The following AMD1 variants were observed in gnomAD, a reference collection of about 807,000 sequenced individuals.
AMD1 encodes S-adenosylmethionine decarboxylase proenzyme.
Under a neutral mutation model 40.2 loss-of-function variants are expected in AMD1, and 11 were observed. The ratio of observed to expected loss-of-function variants is 0.27; its 90% CI spans 0.17 to 0.45. The LOEUF (loss-of-function observed/expected upper bound fraction) is 0.45, where lower values mean the gene tolerates loss of function less well. Among genes scored for constraint, AMD1 ranks in the 20% least tolerant of loss-of-function variants. The pLI, the probability that AMD1 is intolerant of heterozygous loss-of-function variation, is 1.00. For synonymous variants in AMD1, 121 were observed against 130.8 expected (o/e 0.93, Z 0.51); for missense variants, 257 against 410.2 (o/e 0.63, Z 3.23).
chr6:110,886,904 C>CA (rs1785722643), intron 1 of AMD1, among the ~76,000 whole-genome samples: 1 of 152,182 alleles, frequency 6.6e-6, no homozygotes, highest in African/African-American at 2.4e-5. Flanking sequence ...TCTTCATGTC[C>CA]ATATGACCTT....
At chr6:110,818,342 T>G in the AMD1 span, among the ~76,000 whole-genome samples, 1 of 152,144 alleles carries the variant, frequency 6.6e-6, no homozygotes, top group Non-Finnish European at 1.5e-5. Flanking sequence ...GAATTCTCAT[T>G]GGTTTACAGG....
chr6:110,830,783 G>A, the AMD1 span, among the ~76,000 whole-genome samples: 1 of 152,122 alleles, frequency 6.6e-6, no homozygotes, highest in South Asian at 2.1e-4. Context: ...CCCCAGTTTG[G>A]GGCTCATCTG....
chr6:110,848,479 A>T, the AMD1 span: 1 of 197,642 alleles, frequency 5.1e-6, no homozygotes, highest in South Asian at 6.4e-5. Context: ...CTATGATGCC[A>T]CTGCACTCCA....
At chr6:110,815,517 G>T in the AMD1 span, 2 of 165,142 alleles carry the variant, frequency 1.2e-5, no homozygotes, top group Non-Finnish European at 2.6e-5. Context: ...AGTCGCGAAG[G>T]CCTCAGCGGC....
chr6:110,821,574 G>A, the AMD1 span, among the ~76,000 whole-genome samples: 12 of 151,672 alleles, frequency 7.9e-5, 1 homozygote, highest in South Asian at 8.3e-4. Flanking sequence ...AGATCATGCC[G>A]TTGCACTCCA....
At position 110,887,521 on chromosome 6, in the gene AMD1, C is replaced by G. The variant is rs774713341; in HGVS notation, c.127C>G (p.Leu43Val). ...AAATGATAGATCTGAGTGGGACATA[C>G]TTTTGAAGGATGTGCAATGTTCAAT... is the stretch of plus-strand genomic sequence containing the variant. ...RTIPRSEWDI[L>V]LKDVQCSIIS... is the part of the protein sequence containing the mutation. The change falls in exon 2 of 9, where the codon CTT (leucine) becomes GTT (valine). Residue 43 changes from leucine (L) to valine (V), a missense_variant. Physicochemically the swap from Leu to Val is conservative, Grantham distance 32 (BLOSUM62 1). Transcript: ENST00000368885. 51 of 1,607,410 alleles carry G rather than the reference C, an allele frequency of 3.2e-5. No individual in the cohort carries two copies. The highest frequency in any genetic ancestry group is 4.2e-5 in the Non-Finnish European group (50 of 1,177,630).
chr6:110,833,149 A>T, the AMD1 span, among the ~76,000 whole-genome samples: 1 of 152,156 alleles, frequency 6.6e-6, no homozygotes, highest in Non-Finnish European at 1.5e-5. Flanking sequence ...CAGAAGCAAG[A>T]ATCACAGTAT....
the AMD1 span, chr6:110,858,774 C>A: frequency 2.6e-6 from 2 of 761,656 alleles, no homozygotes; most frequent in African/African-American, 1.7e-5. Context: ...ACCAGCCAGT[C>A]GGGCATGACC....
Position 110,893,657 on chromosome 6 carries a change from T to C in AMD1, c.*41T>C. 6.3e-7 allele frequency: 1 copy of C among 1,599,248 alleles called. No homozygotes were observed. Among genetic ancestry groups the C allele is most frequent in the Non-Finnish European group, 8.5e-7 (1 of 1,176,498 alleles). ...AAAAAACGCAAAAAGAGAACACATG[T>C]AGAAGGTGGTGGATGCTTTCTAGAT... On this transcript the variant is annotated 3_prime_UTR_variant, in exon 9 of 9. Transcript: ENST00000368885.
At chr6:110,832,098 C>T in the AMD1 span, among the ~76,000 whole-genome samples, 9 of 151,148 alleles carry the variant, frequency 6.0e-5, no homozygotes, top group African/African-American at 9.7e-5. Context: ...CTGCAACCTC[C>T]GCCTCCCCAG....
chr6:110,816,882 C>T, the AMD1 span, among the ~76,000 whole-genome samples: 2 of 152,286 alleles, frequency 1.3e-5, no homozygotes, highest in Non-Finnish European at 2.9e-5. Flanking sequence ...GCCACCATGC[C>T]GGGCCCCACT....
At chr6:110,854,160 AGAGTGTACTGCAC>A in the AMD1 span, among the ~76,000 whole-genome samples, 1 of 152,218 alleles carries the variant, frequency 6.6e-6, no homozygotes, top group Non-Finnish European at 1.5e-5. Context: ...TATAAATAAT[AGAGTGTACTGCAC>A]AATGGAAGAT....
the AMD1 span, chr6:110,815,021 C>T: frequency 6.2e-7 from 1 of 1,604,308 alleles, no homozygotes; most frequent in Non-Finnish European, 8.5e-7. Flanking sequence ...ATCTTTCCGC[C>T]TCGCCTTGTA....
chr6:110,859,092 G>A, the AMD1 span: 32 of 1,311,772 alleles, frequency 2.4e-5, no homozygotes, highest in Non-Finnish European at 3.3e-5. Flanking sequence ...GGGCGCGCAG[G>A]CTCGGGGGAG....
chr6:110,821,230 C>T, the AMD1 span, among the ~76,000 whole-genome samples: 1 of 152,198 alleles, frequency 6.6e-6, no homozygotes, highest in Admixed American at 6.5e-5. Context: ...TTTAGTTCAA[C>T]ATGCCAAAGT....
chr6:110,862,670 A>C, the AMD1 span, among the ~76,000 whole-genome samples: 1 of 150,606 alleles, frequency 6.6e-6, no homozygotes, highest in Non-Finnish European at 1.5e-5. Context: ...AGGTTTCACC[A>C]AGTTGGCCAG....
chr6:110,839,022 C>A, the AMD1 span, among the ~76,000 whole-genome samples: 2 of 152,174 alleles, frequency 1.3e-5, no homozygotes, highest in Non-Finnish European at 2.9e-5. Context: ...GAGCCTCAGC[C>A]TCCCAAAGTG....
the AMD1 span, chr6:110,858,500 C>A: frequency 1.3e-6 from 2 of 1,508,144 alleles, no homozygotes; most frequent in Non-Finnish European, 1.8e-6. Context: ...ACTAGAAAAC[C>A]TCTCCAATTT....
At chr6:110,888,089 G>A (rs993653462) in intron 2 of AMD1, among the ~76,000 whole-genome samples, 7 of 152,106 alleles carry the variant, frequency 4.6e-5, no homozygotes, top group African/African-American at 1.7e-4. Flanking sequence ...ACAGTTCAAG[G>A]TGTTTGCCGT....
Sources: allele counts gnomAD v4.1 joint callset (sites outside exome capture counted in the v4.1 genomes callset), GRCh38; gene constraint gnomAD v4.1.1; transcripts MANE v1.5; gene names NCBI Gene and HGNC (gene_info 2026-07-23, HGNC 2026-07-21).